The following GMDS variants were observed in gnomAD, a reference collection of about 807,000 sequenced individuals.
GMDS encodes the protein GDP-mannose 4,6-dehydratase, also known as GDP-mannose 4,6 dehydratase.
A neutral mutation model predicts 49.9 loss-of-function variants in GMDS; 20 were observed. The observed-to-expected ratio is 0.40, with a 90% CI of 0.28 to 0.58. The LOEUF (loss-of-function observed/expected upper bound fraction) is 0.58, where lower values mean the gene tolerates loss of function less well. Ranked by LOEUF, GMDS falls within the 20% of genes least tolerant of loss-of-function variation. GMDS has a pLI of 0.42. For synonymous variants in GMDS, 177 were observed against 178.6 expected, an observed-to-expected ratio of 0.99 and a Z score of 0.07; for missense variants, 362 against 481.4, an observed-to-expected ratio of 0.75 and a Z score of 2.32.
At chr6:1,932,537 CTTT>C (rs1166894439) in intron 6 of GMDS, among the ~76,000 whole-genome samples, 9 of 133,994 alleles carry the variant, frequency 6.7e-5, no homozygotes, top group Admixed American at 7.5e-5. Context: ...ATTTCTAATT[CTTT>C]TTTTTTTTTT....
chr6:1,896,852 T>A (rs1350783243), intron 7 of GMDS, among the ~76,000 whole-genome samples: 1 of 152,164 alleles, frequency 6.6e-6, no homozygotes, highest in Non-Finnish European at 1.5e-5. Context: ...ATAACAAGGT[T>A]ACAAATCACA....
At chr6:1,745,041 T>G (rs1767427440) in intron 7 of GMDS, among the ~76,000 whole-genome samples, 1 of 152,230 alleles carries the variant, frequency 6.6e-6, no homozygotes, top group African/African-American at 2.4e-5. Context: ...ACCTTCAGAA[T>G]TTTTAGGAAA....
intron 7 of GMDS, among the ~76,000 whole-genome samples, chr6:1,781,957 G>A (rs924169950): frequency 7.9e-5 from 12 of 151,654 alleles, no homozygotes; most frequent in East Asian, 3.9e-4. Context: ...CACAAATCCC[G>A]GTCCCTACAC....
intron 7 of GMDS, among the ~76,000 whole-genome samples, chr6:1,901,241 G>A (rs1581329847): frequency 6.6e-6 from 1 of 152,168 alleles, no homozygotes; most frequent in African/African-American, 2.4e-5. Context: ...TGCTAATTAC[G>A]ATACGTTTCT....
At chr6:2,160,779 C>T (rs547115406) in intron 1 of GMDS, among the ~76,000 whole-genome samples, 21 of 152,114 alleles carry the variant, frequency 1.4e-4, no homozygotes, top group Non-Finnish European at 2.2e-4. Context: ...CCACCCACCT[C>T]GGCCTCCCAA....
intron 4 of GMDS, among the ~76,000 whole-genome samples, chr6:2,071,318 T>C (rs1174237702): frequency 6.6e-6 from 1 of 152,190 alleles, no homozygotes. Flanking sequence ...CTACTTCTTA[T>C]CCTGATGAAT....
Position 1,670,368 on chromosome 6 carries a change from TG to T in GMDS, c.988-45829del, listed in dbSNP as rs767882553. Among the ~76,000 whole-genome samples the T allele has an allele frequency of 4.2e-3, 618 of 147,496 alleles. 1 individual carries two copies. The highest frequency in any genetic ancestry group is 0.011 in the African/African-American group (451 of 41,060). On this transcript the variant is annotated intron_variant, in intron 9 of 10. Transcript: ENST00000380815. ...AAATCAAGTGTTTCTGGGTTTTTTT[TG>T]GTTTTTTTTTTTTTTCACCTGCACT...
chr6:1,653,948 G>A (rs1370678847), intron 9 of GMDS, among the ~76,000 whole-genome samples: 6 of 151,918 alleles, frequency 3.9e-5, no homozygotes, highest in African/African-American at 1.5e-4. Flanking sequence ...CAGACAAAGT[G>A]GACTCCTACA....
intron 4 of GMDS, among the ~76,000 whole-genome samples, chr6:2,062,959 G>GTGAAC (rs147868970): frequency 0.019 from 2,903 of 152,332 alleles, 104 homozygotes; most frequent in African/African-American, 0.065. Context: ...CTAGCTCTCA[G>GTGAAC]TGAACAGTAG....
intron 9 of GMDS, among the ~76,000 whole-genome samples, chr6:1,658,237 G>T (rs1170810404): frequency 1.3e-5 from 2 of 152,256 alleles, no homozygotes; most frequent in African/African-American, 2.4e-5. Flanking sequence ...CCGGGATTGG[G>T]ATGAAAACAC....
At chr6:2,221,197 C>CA (rs1048086192) in intron 1 of GMDS, among the ~76,000 whole-genome samples, 2 of 152,016 alleles carry the variant, frequency 1.3e-5, no homozygotes, top group African/African-American at 4.8e-5. Flanking sequence ...AACAAATAAA[C>CA]AAAAAAACAC....
At chr6:1,746,559 T>G (rs1380056575) in intron 7 of GMDS, among the ~76,000 whole-genome samples, 1 of 152,244 alleles carries the variant, frequency 6.6e-6, no homozygotes, top group African/African-American at 2.4e-5. Context: ...CTCCAGACCA[T>G]TGACTTTTGA....
intron 9 of GMDS, among the ~76,000 whole-genome samples, chr6:1,706,078 T>C (rs1039602309): frequency 6.6e-6 from 1 of 152,202 alleles, no homozygotes; most frequent in Non-Finnish European, 1.5e-5. Flanking sequence ...ATAGAATGAT[T>C]GGTACTATAG....
At chr6:1,770,143 C>A (rs1422106939) in intron 7 of GMDS, among the ~76,000 whole-genome samples, 2 of 152,208 alleles carry the variant, frequency 1.3e-5, no homozygotes, top group African/African-American at 4.8e-5. Context: ...TTACTTGAGT[C>A]ATGGACTCCT....
At chr6:2,085,554 G>A (rs1772962922) in intron 4 of GMDS, among the ~76,000 whole-genome samples, 1 of 151,914 alleles carries the variant, frequency 6.6e-6, no homozygotes, top group Admixed American at 6.6e-5. Context: ...TTTTTAAACA[G>A]GGTCTCACTC....
intron 1 of GMDS, among the ~76,000 whole-genome samples, chr6:2,133,175 G>A (rs745910526): frequency 5.3e-5 from 8 of 152,150 alleles, no homozygotes; most frequent in Non-Finnish European, 8.8e-5. Context: ...CAGTGTGCAA[G>A]GCCATGCTTA....
At chr6:1,999,251 G>T (rs773745100) in intron 4 of GMDS, among the ~76,000 whole-genome samples, 2 of 149,638 alleles carry the variant, frequency 1.3e-5, no homozygotes, top group African/African-American at 4.9e-5. Context: ...GAACCAGGGA[G>T]TTGGAGGCTG....
At chr6:1,796,146 C>T (rs975473533) in intron 7 of GMDS, among the ~76,000 whole-genome samples, 4 of 152,148 alleles carry the variant, frequency 2.6e-5, no homozygotes, top group Non-Finnish European at 5.9e-5. Context: ...GAACTGTGGA[C>T]AGGGCTCTGG....
In GMDS at chr6:2,199,953, A is replaced by T. The variant is rs538316307; in HGVS notation, c.102+45368T>A. Among the ~76,000 whole-genome samples the T allele has an allele frequency of 1.1e-3, 161 of 152,374 alleles. 1 individual carries two copies. The highest frequency in any genetic ancestry group is 3.5e-3 in the African/African-American group (145 of 41,590). ...CTACAAACCTAAGCTATATATGGTA[A>T]ATGCTATTCCATACCATAGCAAATT... On this transcript the variant is annotated intron_variant, in intron 1 of 10. Transcript: ENST00000380815.
Sources: gnomAD v4.1 joint callset for allele counts (sites outside exome capture counted in the v4.1 genomes callset) on GRCh38, gnomAD v4.1.1 for gene constraint, MANE v1.5 for transcripts, NCBI Gene and HGNC (gene_info 2026-07-23, HGNC 2026-07-21) for gene names.